The following TLE2 variants were observed in gnomAD, a reference collection of about 807,000 sequenced individuals.
TLE2 encodes the protein TLE family member 2, transcriptional corepressor, also known as transducin-like enhancer protein 2.
In TLE2, 74 loss-of-function variants were observed where a neutral mutation model predicts 97.2. The ratio of observed to expected loss-of-function variants is 0.76; its 90% CI spans 0.63 to 0.92. The LOEUF (loss-of-function observed/expected upper bound fraction) is 0.92, where lower values mean the gene tolerates loss of function less well. Among genes scored for constraint, TLE2 ranks in the 40% least tolerant of loss-of-function variants. The pLI, the probability that TLE2 is intolerant of heterozygous loss-of-function variation, is 0.00. For missense variants in TLE2, 1,038 were observed against 1,008.7 expected (o/e 1.03, Z -0.39); for synonymous variants, 499 against 432.1 (o/e 1.15, Z -1.92).
intron 8 of TLE2, among the ~76,000 whole-genome samples, chr19:3,016,155 C>T (rs1287898271): frequency 6.6e-6 from 1 of 151,880 alleles, no homozygotes; most frequent in Non-Finnish European, 1.5e-5. Context: ...AGGCCTATCT[C>T]GAACTCCTGA....
intron 5 of TLE2, among the ~76,000 whole-genome samples, chr19:3,021,114 A>AAAAG (rs752326503): frequency 1.3e-4 from 6 of 45,442 alleles, no homozygotes; most frequent in African/African-American, 1.7e-4. Flanking sequence ...AAAAAAAAAA[A>AAAAG]GGGGGGGGGG....
intron 2 of TLE2, 27 bp from the exon 3 acceptor site, chr19:3,028,409 C>T (rs1202364321): frequency 4.4e-6 from 7 of 1,577,632 alleles, no homozygotes; most frequent in Non-Finnish European, 6.0e-6. Flanking sequence ...GGGCAAGGGG[C>T]TCCCACCCGC....
intron 5 of TLE2, among the ~76,000 whole-genome samples, chr19:3,021,738 A>G (rs2089848207): frequency 6.6e-6 from 1 of 151,720 alleles, no homozygotes; most frequent in African/African-American, 2.4e-5. Flanking sequence ...GCGCACCACC[A>G]CACCCAACTA....
upstream of TLE2, among the ~76,000 whole-genome samples, chr19:3,031,722 G>A (rs916106171): frequency 6.6e-6 from 1 of 152,080 alleles, no homozygotes; most frequent in Admixed American, 6.6e-5. Flanking sequence ...TCCAGCCTCA[G>A]GGCCATTGCA....
chr19:3,022,553 G>GA (rs1340379402), intron 5 of TLE2, among the ~76,000 whole-genome samples: 4 of 151,878 alleles, frequency 2.6e-5, no homozygotes, highest in African/African-American at 9.7e-5. Flanking sequence ...TTTTTTTAAG[G>GA]AAAAAAATAA....
In TLE2 at chr19:3,009,594, A is replaced by G; in HGVS notation, c.1121T>C (p.Leu374Pro). Reference sequence around the variant, plus strand: ...GCTGCTGACCTGGGGGGACAGGTGGAGGCTGACGTAGGAGCTGGGCACGGA... The same window carrying G: ...GCTGCTGACCTGGGGGGACAGGTGGGGGCTGACGTAGGAGCTGGGCACGGA... ...DLSVPSSYVS[L>P]HLSPQVSSSV... The change falls in exon 13 of 20, where the codon CTC becomes CCC. Residue 374 changes from leucine to proline, a missense_variant. Leu to Pro is a moderately conservative substitution (Grantham distance 98, BLOSUM62 -3). Transcript: ENST00000262953. 1 of 1,613,432 alleles carries G rather than the reference A, an allele frequency of 6.2e-7. No individual in the cohort carries two copies. Among genetic ancestry groups the G allele is most frequent in the Non-Finnish European group, 8.5e-7 (1 of 1,179,712 alleles).
chr19:3,014,880 G>A (rs1365287518), intron 9 of TLE2, among the ~76,000 whole-genome samples: 7 of 152,070 alleles, frequency 4.6e-5, no homozygotes, highest in East Asian at 3.9e-4. Context: ...TGTGACTCCC[G>A]GCCCTCTCAG....
intron 1 of TLE2, among the ~76,000 whole-genome samples, chr19:3,035,145 G>A (rs1267481051): frequency 6.6e-6 from 1 of 152,220 alleles, no homozygotes; most frequent in Non-Finnish European, 1.5e-5. Context: ...GGAAGGAGGA[G>A]TTTTTGCTCT....
chr19:3,013,540 G>A, intron 11 of TLE2, 129 bp downstream of exon 11: 2 of 921,092 alleles, frequency 2.2e-6, no homozygotes, highest in Non-Finnish European at 1.4e-6. Flanking sequence ...AAAAGCACAG[G>A]GAAAGGGTGG....
At position 3,009,600 on chromosome 19, in the gene TLE2, A is replaced by G. The variant is rs753050044; in HGVS notation, c.1115T>C (p.Val372Ala). 3.7e-6 allele frequency: 6 copies of G among 1,613,316 alleles called. No homozygotes were observed. The highest frequency in any genetic ancestry group is 1.6e-4 in the Middle Eastern group (1 of 6,068). ...GACCTGGGGGGACAGGTGGAGGCTG[A>G]CGTAGGAGCTGGGCACGGAGAGGTC... ...NGDLSVPSSY[V>A]SLHLSPQVSS... Residue 372 changes from valine (V) to alanine (A), a missense_variant, in exon 13 of 20, where the codon GTC (valine) becomes GCC (alanine). Val to Ala is a moderately conservative substitution (Grantham distance 64). Coordinates refer to ENST00000262953, the MANE Select transcript of TLE2 (RefSeq NM_003260.5).
chr19:3,022,013 C>G (rs1048215904), intron 5 of TLE2, among the ~76,000 whole-genome samples: 5 of 152,050 alleles, frequency 3.3e-5, no homozygotes, highest in Non-Finnish European at 5.9e-5. Flanking sequence ...TGAGACCAGC[C>G]TGGGCAACAT....
chr19:3,039,487 G>T (rs1162922972), intron 1 of TLE2, among the ~76,000 whole-genome samples: 1 of 152,044 alleles, frequency 6.6e-6, no homozygotes, highest in African/African-American at 2.4e-5. Flanking sequence ...CTGAACCACG[G>T]CCAGCCTTTC....
chr19:3,011,000 C>G (rs2089583453), intron 12 of TLE2, 22 bp downstream of exon 12: 1 of 1,594,394 alleles, frequency 6.3e-7, no homozygotes, highest in African/African-American at 1.3e-5. Flanking sequence ...TCCAGACAGG[C>G]ACCAACAGGC....
Position 3,019,669 on chromosome 19 carries a change from C to A in TLE2, c.369+30G>T. On this transcript the variant is annotated intron_variant, in intron 6 of 19. Coordinates refer to ENST00000262953, the MANE Select transcript of TLE2 (RefSeq NM_003260.5). The surrounding 1 kb of genome is among the most constrained non-coding windows in gnomAD (Gnocchi z 5.1). ...AGGGACCTGGGAGTGGGCGTCTCCCCATGGCGGGGCAGGGGCTAGAGAGAC... is the reference window on the plus strand; with the variant it reads ...AGGGACCTGGGAGTGGGCGTCTCCCAATGGCGGGGCAGGGGCTAGAGAGAC... 1.9e-6 allele frequency: 3 copies of A among 1,599,024 alleles called. No homozygotes were observed. Among genetic ancestry groups the A allele is most frequent in the Non-Finnish European group, 2.6e-6 (3 of 1,173,154 alleles).
intron 14 of TLE2, among the ~76,000 whole-genome samples, chr19:3,007,320 C>T (rs1430459802): frequency 6.6e-6 from 1 of 152,014 alleles, no homozygotes; most frequent in Non-Finnish European, 1.5e-5. Context: ...AAACTCCTGA[C>T]TTCAAATGAT....
At chr19:3,021,118 G>A (rs188581871) in intron 5 of TLE2, among the ~76,000 whole-genome samples, 2 of 119,090 alleles carry the variant, frequency 1.7e-5, no homozygotes, top group Non-Finnish European at 3.5e-5. Context: ...AAAAAAAGGG[G>A]GGGGGGTGCT....
Position 3,029,252 on chromosome 19 carries a change from G to T in TLE2, c.-348C>A. Reference sequence around the variant, plus strand: ...GCGGCGCGGGCGGCGGGCCCCGCGCGGAGCCGCCTCCCTCCGGCGGGGCTC... The same window carrying T: ...GCGGCGCGGGCGGCGGGCCCCGCGCTGAGCCGCCTCCCTCCGGCGGGGCTC... On this transcript the variant is annotated 5_prime_UTR_variant, in exon 1 of 20. Transcript: ENST00000262953. The T allele has an allele frequency of 4.1e-6, 1 of 242,556 alleles. No homozygotes were observed. The highest frequency in any genetic ancestry group is 6.4e-6 in the Non-Finnish European group (1 of 155,078). The allele number at this position is 242,556 out of a possible 1,614,324, so 15.0% of individuals were successfully genotyped here.
At position 3,017,892 on chromosome 19, in the gene TLE2, A is replaced by C. The variant is rs755978297; in HGVS notation, c.551-33T>G. On this transcript the variant is annotated intron_variant, in intron 7 of 19. Coordinates refer to ENST00000262953, the MANE Select transcript of TLE2 (RefSeq NM_003260.5). Reference sequence around the variant, plus strand: ...ATTGGGAATGGGATAAAGAGAAAGAAGGAGAAAGAATGAGGCGTTTGTATC... The same window carrying C: ...ATTGGGAATGGGATAAAGAGAAAGACGGAGAAAGAATGAGGCGTTTGTATC... 3.7e-6 allele frequency: 6 copies of C among 1,609,802 alleles called. No homozygotes were observed. In the Middle Eastern group the frequency reaches 5.0e-4, roughly 133 times the overall value.
chr19:3,024,851 C>T (rs1394207531), intron 5 of TLE2, among the ~76,000 whole-genome samples, 169 bp downstream of exon 5: 2 of 152,236 alleles, frequency 1.3e-5, no homozygotes, highest in Admixed American at 6.5e-5. Context: ...CCTGCCCCAG[C>T]GGGATGCCTG....
Sources: allele counts gnomAD v4.1 joint callset (sites outside exome capture counted in the v4.1 genomes callset), GRCh38; gene constraint gnomAD v4.1.1; non-coding constraint Gnocchi (gnomAD v3.1); transcripts MANE v1.5; gene names NCBI Gene and HGNC (gene_info 2026-07-23, HGNC 2026-07-21).